HERC3: variants seen among roughly 807,000 people sequenced by gnomAD.
HERC3 encodes probable E3 ubiquitin-protein ligase HERC3.
Under a neutral mutation model 129.9 loss-of-function variants are expected in HERC3, and 58 were observed. The observed-to-expected ratio is 0.45, with a 90% CI of 0.36 to 0.56. The LOEUF (loss-of-function observed/expected upper bound fraction) is 0.56, where lower values mean the gene tolerates loss of function less well. Ranked by LOEUF, HERC3 falls within the 20% of genes least tolerant of loss-of-function variation. HERC3 has a pLI of 0.00. For synonymous variants in HERC3, 430 were observed against 451.0 expected (o/e 0.95, Z 0.59); for missense variants, 835 against 1,244.2 (o/e 0.67, Z 4.95).
At chr4:88,604,193 A>G (rs1244013498) in intron 2 of HERC3, among the ~76,000 whole-genome samples, 1 of 152,054 alleles carries the variant, frequency 6.6e-6, no homozygotes, top group African/African-American at 2.4e-5. Flanking sequence ...CTGATTTTGT[A>G]TTTTTAGTAG....
At chr4:88,692,437 G>A (rs1734168194) in intron 23 of HERC3, among the ~76,000 whole-genome samples, 3 of 152,066 alleles carry the variant, frequency 2.0e-5, no homozygotes, top group Admixed American at 1.3e-4. Context: ...GTGCTTCAAA[G>A]GGCATCTAGA....
At chr4:88,669,680 T>G (rs2924354) in intron 14 of HERC3, among the ~76,000 whole-genome samples, 180 bp from the exon 15 acceptor site, 18,197 of 152,150 alleles carry the variant, frequency 0.12, 2,085 homozygotes, top group East Asian at 0.3. Flanking sequence ...AGGGATTCTT[T>G]TACAGCTGTT....
intron 16 of HERC3, among the ~76,000 whole-genome samples, chr4:88,673,685 T>C (rs1174209961): frequency 6.6e-6 from 1 of 152,224 alleles, no homozygotes; most frequent in African/African-American, 2.4e-5. Flanking sequence ...TTATTTTGTA[T>C]AATATGGAAA....
upstream of HERC3, among the ~76,000 whole-genome samples, chr4:88,588,256 A>G (rs189318205): frequency 7.2e-5 from 11 of 152,366 alleles, no homozygotes; most frequent in East Asian, 1.3e-3. Flanking sequence ...TAGCAGTACT[A>G]CAGGTGGAAC....
the HERC3 span, among the ~76,000 whole-genome samples, chr4:88,529,229 C>T: frequency 7.9e-5 from 12 of 152,076 alleles, no homozygotes; most frequent in East Asian, 9.6e-4. Context: ...TAATCCTGCA[C>T]GAGGCAGGAG....
the HERC3 span, among the ~76,000 whole-genome samples, chr4:88,563,659 C>CA: frequency 7.2e-6 from 1 of 138,356 alleles, no homozygotes; most frequent in African/African-American, 2.6e-5. Context: ...ATGTTCCTTC[C>CA]TTTTTTTTTT....
At chr4:88,640,778 C>T (rs1431997278) in intron 3 of HERC3, among the ~76,000 whole-genome samples, 4 of 152,090 alleles carry the variant, frequency 2.6e-5, no homozygotes, top group Non-Finnish European at 5.9e-5. Flanking sequence ...ACATAGGAAT[C>T]CCAAATGTGT....
chr4:88,541,122 G>GC, the HERC3 span, among the ~76,000 whole-genome samples: 1 of 152,130 alleles, frequency 6.6e-6, no homozygotes, highest in East Asian at 1.9e-4. Flanking sequence ...TGGGCTAAAT[G>GC]CCCCAATTAA....
At chr4:88,548,766 T>A in the HERC3 span, among the ~76,000 whole-genome samples, 1 of 151,812 alleles carries the variant, frequency 6.6e-6, no homozygotes, top group Admixed American at 6.6e-5. Flanking sequence ...GTTCAAGCGA[T>A]TCTCCTGCCT....
chr4:88,666,630 C>T (rs1731073443), intron 12 of HERC3, among the ~76,000 whole-genome samples: 12 of 152,148 alleles, frequency 7.9e-5, no homozygotes. Context: ...TACTCAAAAA[C>T]AGAAGCCTGC....
rs187094099 is a variant in HERC3 at position 88,708,328 on chromosome 4, A to G, written c.*1368A>G. The G allele has an allele frequency of 6.6e-6, 1 of 152,536 alleles. No individual in the cohort carries two copies. The highest frequency in any genetic ancestry group is 1.5e-5 in the Non-Finnish European group (1 of 68,028). 9.4% of individuals were successfully genotyped at this position (152,536 alleles called of 1,614,324 possible). On this transcript the variant is annotated 3_prime_UTR_variant, in exon 26 of 26. Coordinates refer to ENST00000402738, the MANE Select transcript of HERC3 (RefSeq NM_014606.3). Reference sequence around the variant, plus strand: ...TTTATATAAAATGAAGTATTTATGAACTGTGATAAAGCATCAAATCTTGAT... The same window carrying G: ...TTTATATAAAATGAAGTATTTATGAGCTGTGATAAAGCATCAAATCTTGAT...
chr4:88,590,738 G>A (rs1015593043), upstream of HERC3, among the ~76,000 whole-genome samples: 5 of 152,050 alleles, frequency 3.3e-5, no homozygotes, highest in Admixed American at 3.3e-4. Flanking sequence ...CTCCTCTTTG[G>A]GCATTTAACC....
At chr4:88,634,348 C>T (rs867086907) in intron 3 of HERC3, among the ~76,000 whole-genome samples, 6 of 152,192 alleles carry the variant, frequency 3.9e-5, no homozygotes, top group African/African-American at 9.6e-5. Context: ...GAAGGGGCAG[C>T]CACCACCACT....
chr4:88,686,777 A>G lies in HERC3; in HGVS notation c.2549A>G (p.Glu850Gly). The change falls in exon 22 of 26, where the codon GAG becomes GGG. Residue 850 changes from glutamate (E) to glycine (G), a missense_variant. Coordinates refer to ENST00000402738, the MANE Select transcript of HERC3 (RefSeq NM_014606.3). Reference sequence around the variant, plus strand: ...TTAGATTACCCCGGGGAGGATGTGGAGGAGACTTTCTGCCTCAACTTCACG... The same window carrying G: ...TTAGATTACCCCGGGGAGGATGTGGGGGAGACTTTCTGCCTCAACTTCACG... ...ELLDYPGEDV[E>G]ETFCLNFTIC... 1.2e-6 allele frequency: 2 copies of G among 1,611,954 alleles called. No individual in the cohort carries two copies. Among genetic ancestry groups the G allele is most frequent in the Non-Finnish European group, 1.7e-6 (2 of 1,178,164 alleles).
At chr4:88,614,077 C>T (rs1724646531) in intron 3 of HERC3, among the ~76,000 whole-genome samples, 1 of 152,026 alleles carries the variant, frequency 6.6e-6, no homozygotes, top group South Asian at 2.1e-4. Context: ...TTTTAAAAAC[C>T]TGCAGTATTA....
In HERC3 at chr4:88,706,797, G is replaced by C; in HGVS notation, c.2990G>C (p.Ser997Thr). The C allele has an allele frequency of 6.2e-7, 1 of 1,614,162 alleles. No individual in the cohort carries two copies. The change falls in exon 26 of 26, where the codon AGT (serine) becomes ACT (threonine). Residue 997 changes from serine (S) to threonine (T), a missense_variant. Coordinates refer to ENST00000402738, the MANE Select transcript of HERC3 (RefSeq NM_014606.3). The part of the protein sequence containing the change: ...SDRIPIYGMA[S>T]LQIVIQSTAS... Reference sequence around the variant, plus strand: ...CGGATTCCCATCTACGGCATGGCCAGTCTGCAGATTGTCATCCAGTCCACA... The same window carrying C: ...CGGATTCCCATCTACGGCATGGCCACTCTGCAGATTGTCATCCAGTCCACA...
At chr4:88,555,549 T>C in the HERC3 span, among the ~76,000 whole-genome samples, 2 of 151,948 alleles carry the variant, frequency 1.3e-5, no homozygotes, top group African/African-American at 4.9e-5. Flanking sequence ...ATTATGTTGT[T>C]TTTATGGCTA....
At chr4:88,648,049 G>T (rs144455573) in intron 3 of HERC3, among the ~76,000 whole-genome samples, 1 of 151,728 alleles carries the variant, frequency 6.6e-6, no homozygotes, top group Admixed American at 6.6e-5. Flanking sequence ...ATTTTTGTTT[G>T]GTTATTATGA....
chr4:88,586,740 A>G, the HERC3 span, among the ~76,000 whole-genome samples: 1 of 152,246 alleles, frequency 6.6e-6, no homozygotes, highest in Non-Finnish European at 1.5e-5. Context: ...AGTGAAAAGG[A>G]CAGATCATTT....
Sources: gnomAD v4.1 joint callset for allele counts (sites outside exome capture counted in the v4.1 genomes callset) on GRCh38, gnomAD v4.1.1 for gene constraint, MANE v1.5 for transcripts, NCBI Gene and HGNC (gene_info 2026-07-23, HGNC 2026-07-21) for gene names.